The following TAFA2 variants were observed in gnomAD, a reference collection of about 807,000 sequenced individuals.
TAFA2 encodes the protein chemokine-like protein TAFA-2.
In TAFA2, 7 loss-of-function variants were observed where a neutral mutation model predicts 18.8. The ratio of observed to expected loss-of-function variants is 0.37; its 90% CI spans 0.21 to 0.70. The LOEUF (loss-of-function observed/expected upper bound fraction) is 0.70. TAFA2 is among the 30% of genes least tolerant of loss of function. TAFA2 has a pLI of 0.53. For synonymous variants in TAFA2, 60 were observed against 54.2 expected (o/e 1.11, Z -0.47); for missense variants, 122 against 158.1 (o/e 0.77, Z 1.23).
intron 4 of TAFA2, among the ~76,000 whole-genome samples, chr12:61,729,255 T>A (rs566652671): frequency 6.6e-6 from 1 of 152,154 alleles, no homozygotes; most frequent in African/African-American, 2.4e-5. Flanking sequence ...CTGAGGTTCT[T>A]GTATTTGGAT....
chr12:61,872,622 C>G (rs1269962182), intron 1 of TAFA2, among the ~76,000 whole-genome samples: 1 of 152,110 alleles, frequency 6.6e-6, no homozygotes, highest in African/African-American at 2.4e-5. Context: ...ATCATCTTCC[C>G]TCTCAACCAC....
intron 2 of TAFA2, among the ~76,000 whole-genome samples, chr12:61,760,888 T>A (rs1869515708): frequency 1.4e-5 from 2 of 147,848 alleles, no homozygotes; most frequent in African/African-American, 2.6e-5. Flanking sequence ...AAAAAAAAAA[T>A]TCTGAAATTT....
At chr12:62,166,742 ATAGT>A (rs1456263478) in intron 1 of TAFA2, among the ~76,000 whole-genome samples, 12 of 152,324 alleles carry the variant, frequency 7.9e-5, no homozygotes, top group African/African-American at 2.9e-4. Context: ...CAAGTTCCAC[ATAGT>A]TAGAAGTTGA....
chr12:62,114,516 G>A (rs1427180333), intron 1 of TAFA2, among the ~76,000 whole-genome samples: 1 of 152,078 alleles, frequency 6.6e-6, no homozygotes, highest in Non-Finnish European at 1.5e-5. Context: ...GTTTAAGAAT[G>A]CAAAAATTAT....
chr12:61,713,957 T>G lies in TAFA2; in HGVS notation c.385-3540A>C, dbSNP rs541003445. Reference sequence around the variant, plus strand: ...TATCAAATTAAGCATTGCCATATTTTTACAACTTAAATAATACTCTTTCAT... The same window carrying G: ...TATCAAATTAAGCATTGCCATATTTGTACAACTTAAATAATACTCTTTCAT... On this transcript the variant is annotated intron_variant, in intron 4 of 4. Transcript: ENST00000416284. Among the ~76,000 whole-genome samples, 66 of 152,354 alleles carry G rather than the reference T, an allele frequency of 4.3e-4. No individual in the cohort carries two copies. In the South Asian group the frequency reaches 7.2e-3, roughly 17 times the overall value.
At chr12:62,056,802 G>C (rs528239979) in intron 1 of TAFA2, among the ~76,000 whole-genome samples, 1 of 152,220 alleles carries the variant, frequency 6.6e-6, no homozygotes, top group Admixed American at 6.5e-5. Flanking sequence ...TTCACTAGGA[G>C]GAGAAATGGG....
At chr12:61,761,518 GT>G (rs1869546415) in intron 2 of TAFA2, among the ~76,000 whole-genome samples, 1 of 151,982 alleles carries the variant, frequency 6.6e-6, no homozygotes, top group African/African-American at 2.4e-5. Flanking sequence ...CATTCTATAT[GT>G]GAAAATAATT....
At chr12:62,253,665 C>A (rs544521371) in intron 1 of TAFA2, 2 of 152,290 alleles carry the variant, frequency 1.3e-5, no homozygotes, top group Admixed American at 6.5e-5. Flanking sequence ...CTGGCCATAA[C>A]CAGGAAAGTG....
chr12:62,001,813 A>G (rs1880386661), intron 1 of TAFA2, among the ~76,000 whole-genome samples: 1 of 152,210 alleles, frequency 6.6e-6, no homozygotes, highest in African/African-American at 2.4e-5. Context: ...TCAAAAAATT[A>G]TAACTACAGC....
intron 1 of TAFA2, among the ~76,000 whole-genome samples, chr12:62,180,181 A>G (rs2062542653): frequency 6.6e-6 from 1 of 152,208 alleles, no homozygotes; most frequent in Non-Finnish European, 1.5e-5. Context: ...AGTACTATAC[A>G]GTACCTGAAT....
At chr12:62,235,148 C>T in intron 1 of TAFA2, 6 of 658,914 alleles carry the variant, frequency 9.1e-6, no homozygotes, top group Non-Finnish European at 1.5e-5. Flanking sequence ...AAATCATCAT[C>T]TCTTGCTGAG....
chr12:61,895,638 A>C (rs1875808773), intron 1 of TAFA2, among the ~76,000 whole-genome samples: 1 of 152,198 alleles, frequency 6.6e-6, no homozygotes, highest in Non-Finnish European at 1.5e-5. Context: ...AACAGTTCAG[A>C]TGTTTGGCAA....
At chr12:61,722,021 A>G (rs1236561925) in intron 4 of TAFA2, among the ~76,000 whole-genome samples, 2 of 152,168 alleles carry the variant, frequency 1.3e-5, no homozygotes, top group East Asian at 1.9e-4. Flanking sequence ...AAAACATACT[A>G]TTTGAATTTC....
At chr12:62,177,798 G>A (rs151109817) in intron 1 of TAFA2, among the ~76,000 whole-genome samples, 255 of 152,154 alleles carry the variant, frequency 1.7e-3, no homozygotes, top group Admixed American at 2.6e-3. Context: ...CAGTCTCCAA[G>A]ACCAGTTCGT....
intron 4 of TAFA2, among the ~76,000 whole-genome samples, chr12:61,712,894 A>G (rs2061831475): frequency 6.6e-6 from 1 of 152,134 alleles, no homozygotes; most frequent in African/African-American, 2.4e-5. Context: ...CCAGAATGGC[A>G]GTATTGCCAT....
chr12:62,201,698 T>G (rs2062671779), intron 1 of TAFA2, among the ~76,000 whole-genome samples: 1 of 152,192 alleles, frequency 6.6e-6, no homozygotes. Flanking sequence ...TTTGTTGTTG[T>G]TGTTGCTGTT....
chr12:62,164,708 A>C (rs2062427734), intron 1 of TAFA2, among the ~76,000 whole-genome samples: 1 of 152,272 alleles, frequency 6.6e-6, no homozygotes, highest in East Asian at 1.9e-4. Flanking sequence ...TTTCAGACAT[A>C]ATCTTGGTTA....
chr12:61,811,558 A>G (rs1871869899), intron 2 of TAFA2, among the ~76,000 whole-genome samples: 1 of 151,528 alleles, frequency 6.6e-6, no homozygotes, highest in Non-Finnish European at 1.5e-5. Flanking sequence ...ATTAAAATCT[A>G]GTTGGGAACA....
chr12:61,964,864 A>T (rs192860848), intron 1 of TAFA2, among the ~76,000 whole-genome samples: 9 of 151,858 alleles, frequency 5.9e-5, no homozygotes, highest in Admixed American at 1.3e-4. Flanking sequence ...ATTTATTCCT[A>T]CTATCCCCCA....
Sources: gnomAD v4.1 joint callset for allele counts (sites outside exome capture counted in the v4.1 genomes callset) on GRCh38, gnomAD v4.1.1 for gene constraint, MANE v1.5 for transcripts, NCBI Gene and HGNC (gene_info 2026-07-23, HGNC 2026-07-21) for gene names.